PDE9A: variants seen among roughly 807,000 people sequenced by gnomAD.
PDE9A encodes phosphodiesterase 9A, also known as high affinity cGMP-specific 3',5'-cyclic phosphodiesterase 9A.
PDE9A carries 60 observed loss-of-function variants against 87.4 expected under a neutral mutation model. The observed-to-expected ratio is 0.69, with a 90% CI of 0.56 to 0.85. PDE9A has a LOEUF of 0.85. PDE9A is among the 40% of genes least tolerant of loss of function. PDE9A has a pLI of 0.00. For missense variants in PDE9A, 665 were observed against 779.0 expected, an observed-to-expected ratio of 0.85 and a Z score of 1.74; for synonymous variants, 272 against 279.4, an observed-to-expected ratio of 0.97 and a Z score of 0.27.
intron 1 of PDE9A, among the ~76,000 whole-genome samples, chr21:42,672,143 T>C (rs1281120660): frequency 2.6e-5 from 4 of 152,252 alleles, no homozygotes; most frequent in Non-Finnish European, 5.9e-5. Flanking sequence ...GAGTATGCAA[T>C]CAGAAATATC....
chr21:42,734,954 G>C (rs2052236342), intron 7 of PDE9A, among the ~76,000 whole-genome samples: 1 of 152,212 alleles, frequency 6.6e-6, no homozygotes, highest in South Asian at 2.1e-4. Flanking sequence ...TGGCTGAAGA[G>C]GACCAGGCAC....
At chr21:42,726,974 T>C (rs12627438) in intron 4 of PDE9A, among the ~76,000 whole-genome samples, 2 of 149,012 alleles carry the variant, frequency 1.3e-5, no homozygotes, top group Admixed American at 1.4e-4. Flanking sequence ...GTCTCAAAAA[T>C]AAGATAGGCT....
chr21:42,728,194 G>A (rs147920558), intron 4 of PDE9A, among the ~76,000 whole-genome samples: 2 of 152,352 alleles, frequency 1.3e-5, no homozygotes, highest in East Asian at 1.9e-4. Flanking sequence ...ACGGGAGGAT[G>A]TGCATAGGTT....
At chr21:42,709,333 A>C (rs1369763673) in intron 4 of PDE9A, among the ~76,000 whole-genome samples, 1 of 152,210 alleles carries the variant, frequency 6.6e-6, no homozygotes, top group Non-Finnish European at 1.5e-5. Context: ...CATCAGGATA[A>C]ATAGCTAATG....
intron 7 of PDE9A, chr21:42,733,670 T>G (rs1450744217): frequency 9.4e-6 from 5 of 532,688 alleles, no homozygotes; most frequent in Non-Finnish European, 1.7e-5. Context: ...CCCCAAAGAA[T>G]AAAAATGAAC....
At position 42,696,654 on chromosome 21, in the gene PDE9A, C is replaced by A. The variant is rs1038323538; in HGVS notation, c.219-2314C>A. 6.6e-6 allele frequency among the ~76,000 whole-genome samples: 1 copy of A among 152,226 alleles called. No individual in the cohort carries two copies. The highest frequency in any genetic ancestry group is 1.5e-5 in the Non-Finnish European group (1 of 68,024). ...ACCCGGCTTCTCTGCTGCCCACCCT[C>A]CACTCTGTCCTCCCAGCCCAGGCCC... On this transcript the variant is annotated intron_variant, in intron 3 of 19. Coordinates refer to ENST00000291539, the MANE Select transcript of PDE9A (RefSeq NM_002606.3). This position sits in a 1 kb window ranked among gnomAD's most constrained non-coding sequence, Gnocchi z 5.1.
chr21:42,703,676 T>C (rs138643587), intron 4 of PDE9A, among the ~76,000 whole-genome samples: 1,667 of 152,236 alleles, frequency 0.011, 13 homozygotes, highest in South Asian at 0.027. Context: ...CCAGCTGTCC[T>C]AAGGCCGGAG....
At chr21:42,757,430 A>C (rs1252412660) in intron 10 of PDE9A, 1 of 152,244 alleles carries the variant, frequency 6.6e-6, no homozygotes, top group African/African-American at 2.4e-5. Context: ...CCCTTGCAGC[A>C]TTTCCAGGTT....
intron 4 of PDE9A, among the ~76,000 whole-genome samples, chr21:42,730,635 A>T (rs2051631271): frequency 6.6e-6 from 1 of 152,196 alleles, no homozygotes. Flanking sequence ...TGACTGCTTT[A>T]AAATCTTTTT....
intron 15 of PDE9A, among the ~76,000 whole-genome samples, chr21:42,767,884 C>T (rs990369591): frequency 6.6e-6 from 1 of 152,200 alleles, no homozygotes; most frequent in Non-Finnish European, 1.5e-5. Flanking sequence ...GGAAGATGAG[C>T]AATGCACCCA....
In PDE9A at chr21:42,688,000, A is replaced by G; in HGVS notation, c.218+6A>G. On this transcript the variant is annotated splice_donor_region_variant and intron_variant, in intron 3 of 19. Transcript: ENST00000291539. ...ATGCCCGCGAATTCAGAACGGTAAG[A>G]GGCTCCGGCCGCGCTCCTCGGGGTG... is the stretch of plus-strand genomic sequence containing the variant. The G allele has an allele frequency of 6.2e-7, 1 of 1,610,894 alleles. No homozygotes were observed. Among genetic ancestry groups the G allele is most frequent in the South Asian group, 1.1e-5 (1 of 91,062 alleles).
Position 42,687,926 on chromosome 21 carries a change from C to T in PDE9A, c.150C>T (p.Thr50=). 4 of 1,613,020 alleles carry T rather than the reference C, an allele frequency of 2.5e-6. No homozygotes were observed. The highest frequency in any genetic ancestry group is 1.3e-5 in the African/African-American group (1 of 74,990). The stretch of plus-strand genomic sequence containing the variant: ...TGGGTGTGTTTTCCAGGAACACGAC[C>T]ATCTCCCTGCTGACCACCGACGACG... ...CIATGLPRNT[T]ISLLTTDDAM... is the part of the protein sequence containing the mutation. Residue 50 remains threonine (T), a synonymous_variant, in exon 3 of 20, where the codon ACC becomes ACT. Transcript: ENST00000291539.
rs371564753 is a variant in PDE9A at position 42,678,642 on chromosome 21, C to T, written c.70-7550C>T. Among the ~76,000 whole-genome samples the T allele has an allele frequency of 2.6e-4, 39 of 152,344 alleles. 1 individual carries two copies. Among genetic ancestry groups the T allele is most frequent in the Admixed American group, 2.1e-3 (32 of 15,304 alleles). ...AAAAAAGTTTTCACATATGTGAATG[C>T]GTGTGTGAATTTGAAGTCGTATGTG... On this transcript the variant is annotated intron_variant, in intron 1 of 19. Transcript: ENST00000291539.
intron 4 of PDE9A, 85 bp from the exon 5 acceptor site, chr21:42,731,685 C>T: frequency 1.5e-5 from 20 of 1,347,492 alleles, no homozygotes; most frequent in Non-Finnish European, 2.1e-5. Flanking sequence ...TCACTTTGTC[C>T]CAGTAATTGC....
chr21:42,743,017 A>T (rs2053480554), intron 7 of PDE9A, among the ~76,000 whole-genome samples: 1 of 152,204 alleles, frequency 6.6e-6, no homozygotes, highest in Non-Finnish European at 1.5e-5. Context: ...GCTTTGGGAA[A>T]GGGCTGTTAC....
At chr21:42,669,911 T>C (rs1003559255) in intron 1 of PDE9A, among the ~76,000 whole-genome samples, 4 of 152,118 alleles carry the variant, frequency 2.6e-5, no homozygotes, top group Non-Finnish European at 5.9e-5. Context: ...CCGTGCCTTC[T>C]AGAGAGAGGC....
chr21:42,670,162 CACAT>C (rs751959789), intron 1 of PDE9A, among the ~76,000 whole-genome samples: 70 of 150,800 alleles, frequency 4.6e-4, no homozygotes, highest in Non-Finnish European at 8.7e-4. Context: ...CACACGCACA[CACAT>C]TCACACGCAC....
chr21:42,765,611 G>T (rs768657469), intron 15 of PDE9A, 117 bp downstream of exon 15: 2 of 718,304 alleles, frequency 2.8e-6, no homozygotes, highest in South Asian at 1.5e-5. Flanking sequence ...TTGGAACAAG[G>T]TGTCTATAAA....
chr21:42,684,529 CGGCAGTGG>C (rs2077995481), intron 1 of PDE9A, among the ~76,000 whole-genome samples: 3 of 152,220 alleles, frequency 2.0e-5, no homozygotes, highest in Non-Finnish European at 4.4e-5. Flanking sequence ...CAGGACTCCT[CGGCAGTGG>C]GGTTGGGAGA....
Sources: gnomAD v4.1 joint callset for allele counts (sites outside exome capture counted in the v4.1 genomes callset) on GRCh38, gnomAD v4.1.1 for gene constraint, Gnocchi (gnomAD v3.1) non-coding constraint, MANE v1.5 for transcripts, NCBI Gene and HGNC (gene_info 2026-07-23, HGNC 2026-07-21) for gene names.